Variants in ALG11 observed in about 807,000 individuals in gnomAD.
ALG11 encodes ALG11 alpha-1,2-mannosyltransferase, also known as GDP-Man:Man(3)GlcNAc(2)-PP-Dol alpha-1,2-mannosyltransferase.
Under a neutral mutation model 38.8 loss-of-function variants are expected in ALG11, and 26 were observed. The ratio of observed to expected loss-of-function variants is 0.67; its 90% CI spans 0.49 to 0.93. ALG11 has a LOEUF of 0.93. Among genes scored for constraint, ALG11 ranks in the 40% least tolerant of loss-of-function variants. The probability of loss-of-function intolerance (pLI) is 0.00; values close to 1 mark genes in which losing one functional copy is unlikely to be tolerated. For synonymous variants in ALG11, 199 were observed against 211.6 expected, an observed-to-expected ratio of 0.94 and a Z score of 0.52; for missense variants, 535 against 578.8, an observed-to-expected ratio of 0.92 and a Z score of 0.78.
chr13:52,021,472 G>A (rs1234009070), intron 2 of ALG11: 2 of 152,124 alleles, frequency 1.3e-5, no homozygotes, highest in Admixed American at 1.3e-4. Flanking sequence ...GGAGCTTGGC[G>A]TGTTAAAAAA....
At chr13:52,023,938 G>A in intron 2 of ALG11, 68 bp from the exon 3 acceptor site, 1 of 1,428,740 alleles carries the variant, frequency 7.0e-7, no homozygotes, top group Admixed American at 1.7e-5. Flanking sequence ...GGGATTACAG[G>A]TGCGTGCCAC....
chr13:52,013,406 G>A (rs544718716), intron 1 of ALG11, among the ~76,000 whole-genome samples: 51 of 151,960 alleles, frequency 3.4e-4, no homozygotes, highest in African/African-American at 1.2e-3. Context: ...GAATGAGAAA[G>A]TCTGTTATCA....
chr13:52,029,898 T>C lies in ALG11; in HGVS notation c.*1308T>C. ...CCTCATGTAGCGAATGAAGTGCAGA[T>C]GAATGTGGACGGACCGAATCCCTGG... On this transcript the variant is annotated 3_prime_UTR_variant, in exon 4 of 4. Coordinates refer to ENST00000521508, the MANE Select transcript of ALG11 (RefSeq NM_001004127.3). The C allele has an allele frequency of 6.2e-7, 1 of 1,614,166 alleles. No individual in the cohort carries two copies.
At chr13:52,023,303 G>C (rs1306399062) in intron 2 of ALG11, 4 of 152,144 alleles carry the variant, frequency 2.6e-5, no homozygotes, top group African/African-American at 9.7e-5. Flanking sequence ...TGTTCTGTGT[G>C]AAACCCTCAG....
rs1593909111 is a variant in ALG11 at position 52,032,159 on chromosome 13, T to C, written c.*3569T>C. Reference sequence around the variant, plus strand: ...ATTGCTTGAAACTGGAAGGCAGAGGTTGCAGTGAGCCAAGATTGTGCCACT... The same window carrying C: ...ATTGCTTGAAACTGGAAGGCAGAGGCTGCAGTGAGCCAAGATTGTGCCACT... On this transcript the variant is annotated 3_prime_UTR_variant, in exon 4 of 4. Transcript: ENST00000521508. 2.0e-5 allele frequency: 3 copies of C among 153,298 alleles called. No homozygotes were observed. The highest frequency in any genetic ancestry group is 6.5e-5 in the Admixed American group (1 of 15,280). 9.5% of individuals were successfully genotyped at this position (153,298 alleles called of 1,614,324 possible).
In ALG11 at chr13:52,030,094, AAG is replaced by A. The variant is rs1318765586; in HGVS notation, c.*1506_*1507del. 6.2e-7 allele frequency: 1 copy of A among 1,614,126 alleles called. No individual in the cohort carries two copies. The highest frequency in any genetic ancestry group is 8.5e-7 in the Non-Finnish European group (1 of 1,180,056). On this transcript the variant is annotated 3_prime_UTR_variant, in exon 4 of 4. Transcript: ENST00000521508. Reference sequence around the variant, plus strand: ...TTGAGGAAAGGCAATCCCTTAGAAAAAGATCTGAGCTCAACCAGGATGCTGAG... The same window carrying A: ...TTGAGGAAAGGCAATCCCTTAGAAAAATCTGAGCTCAACCAGGATGCTGAG...
Position 52,030,604 on chromosome 13 carries a change from G to A in ALG11, c.*2014G>A, listed in dbSNP as rs185309124. Reference sequence around the variant, plus strand: ...AGATGATAAAGGAAGCTTTTGCTGGGGATGATGTCATCAGAGATTTCTTGA... The same window carrying A: ...AGATGATAAAGGAAGCTTTTGCTGGAGATGATGTCATCAGAGATTTCTTGA... On this transcript the variant is annotated 3_prime_UTR_variant, in exon 4 of 4. Coordinates refer to ENST00000521508, the MANE Select transcript of ALG11 (RefSeq NM_001004127.3). The A allele has an allele frequency of 6.2e-7, 1 of 1,614,066 alleles. No individual in the cohort carries two copies. The highest frequency in any genetic ancestry group is 1.7e-5 in the Admixed American group (1 of 59,998).
At chr13:52,014,210 CA>C (rs1200296552) in intron 1 of ALG11, among the ~76,000 whole-genome samples, 2 of 152,096 alleles carry the variant, frequency 1.3e-5, no homozygotes, top group African/African-American at 4.8e-5. Flanking sequence ...AATGCAGAAA[CA>C]GAAAGGAGGA....
chr13:52,031,019 C>T lies in ALG11; in HGVS notation c.*2429C>T, dbSNP rs199516732. On this transcript the variant is annotated 3_prime_UTR_variant, in exon 4 of 4. Coordinates refer to ENST00000521508, the MANE Select transcript of ALG11 (RefSeq NM_001004127.3). ...CATAAAAGCAGAGGATGTGGGCTACCAGTCTTCCTCAAGGTCAGACCTGCC... is the reference window on the plus strand; with the variant it reads ...CATAAAAGCAGAGGATGTGGGCTACTAGTCTTCCTCAAGGTCAGACCTGCC... 2 of 1,614,178 alleles carry T rather than the reference C, an allele frequency of 1.2e-6. No individual in the cohort carries two copies. Among genetic ancestry groups the T allele is most frequent in the Admixed American group, 3.3e-5 (2 of 60,026 alleles).
Position 52,029,748 on chromosome 13 carries a change from A to C in ALG11, c.*1158A>C, listed in dbSNP as rs1745044350. 6.2e-7 allele frequency: 1 copy of C among 1,614,086 alleles called. No individual in the cohort carries two copies. The highest frequency in any genetic ancestry group is 1.3e-5 in the African/African-American group (1 of 74,920). On this transcript the variant is annotated 3_prime_UTR_variant, in exon 4 of 4. Coordinates refer to ENST00000521508, the MANE Select transcript of ALG11 (RefSeq NM_001004127.3). ...TCAAAGGCAATTATGGCCAAATATG[A>C]CCTGGAGGCTCGCCAAGCTATGCAG...
intron 2 of ALG11, chr13:52,021,061 A>G (rs1019160758): frequency 2.0e-5 from 3 of 152,246 alleles, no homozygotes; most frequent in Middle Eastern, 6.3e-3. Context: ...TGAGAGAGAC[A>G]AGATAATAAG....
At position 52,030,212 on chromosome 13, in the gene ALG11, C is replaced by A. The variant is rs1463288811; in HGVS notation, c.*1622C>A. 2 of 1,614,202 alleles carry A rather than the reference C, an allele frequency of 1.2e-6. No homozygotes were observed. Among genetic ancestry groups the A allele is most frequent in the African/African-American group, 1.3e-5 (1 of 75,044 alleles). ...ATCTCAGAAATTGAAGGAAAAACAT[C>A]AGTCCAGGAAGCAAAAAGCAAGTTC... On this transcript the variant is annotated 3_prime_UTR_variant, in exon 4 of 4. Transcript: ENST00000521508.
chr13:52,019,276 C>T, intron 2 of ALG11, 133 bp downstream of exon 2: 1 of 792,934 alleles, frequency 1.3e-6, no homozygotes, highest in East Asian at 2.9e-5. Flanking sequence ...GGCTGGAGTG[C>T]AGTGGCACGA....
chr13:52,022,303 G>A (rs1954190171), intron 2 of ALG11: 1 of 152,272 alleles, frequency 6.6e-6, no homozygotes, highest in African/African-American at 2.4e-5. Context: ...GAGAGGTGGA[G>A]GCTACAATAA....
At chr13:52,015,384 G>A (rs1157350153) in intron 1 of ALG11, among the ~76,000 whole-genome samples, 1 of 152,104 alleles carries the variant, frequency 6.6e-6, no homozygotes, top group Non-Finnish European at 1.5e-5. Context: ...CTTCAGCCTG[G>A]GTGACAGAGT....
Position 52,030,460 on chromosome 13 carries a change from G to T in ALG11, c.*1870G>T, listed in dbSNP as rs1362246825. The T allele has an allele frequency of 1.2e-5, 19 of 1,614,128 alleles. No homozygotes were observed. Among genetic ancestry groups the T allele is most frequent in the Non-Finnish European group, 1.6e-5 (19 of 1,180,048 alleles). ...CTGATGCCCCTAAGGAGAAGAAAGAGAAGGAGCAACTGATCAACCTACAGA... is the reference window on the plus strand; with the variant it reads ...CTGATGCCCCTAAGGAGAAGAAAGATAAGGAGCAACTGATCAACCTACAGA... On this transcript the variant is annotated 3_prime_UTR_variant, in exon 4 of 4. Transcript: ENST00000521508.
At chr13:52,016,755 G>T (rs1189345893) in intron 1 of ALG11, 3 of 152,310 alleles carry the variant, frequency 2.0e-5, no homozygotes, top group Non-Finnish European at 4.4e-5. Flanking sequence ...TTTGCCACCG[G>T]GGCAGGGCCC....
At position 52,029,325 on chromosome 13, in the gene ALG11, T is replaced by G. The variant is rs776693469; in HGVS notation, c.*735T>G. The G allele has an allele frequency of 5.6e-6, 9 of 1,614,110 alleles. No homozygotes were observed. In the South Asian group the frequency reaches 9.9e-5, roughly 18 times the overall value. Reference sequence around the variant, plus strand: ...GCCATTGCTCCCATTGAACATGCGCTCAGTGGCTGGAAGGCAAGAACTCCC... The same window carrying G: ...GCCATTGCTCCCATTGAACATGCGCGCAGTGGCTGGAAGGCAAGAACTCCC... On this transcript the variant is annotated 3_prime_UTR_variant, in exon 4 of 4. Coordinates refer to ENST00000521508, the MANE Select transcript of ALG11 (RefSeq NM_001004127.3).
intron 1 of ALG11, 140 bp from the exon 2 acceptor site, chr13:52,018,773 G>C: frequency 1.4e-6 from 1 of 732,972 alleles, no homozygotes; most frequent in South Asian, 1.7e-5. Flanking sequence ...TCATACTTGA[G>C]TATTTTGTTA....
Sources: allele counts gnomAD v4.1 joint callset (sites outside exome capture counted in the v4.1 genomes callset), GRCh38; gene constraint gnomAD v4.1.1; transcripts MANE v1.5; gene names NCBI Gene and HGNC (gene_info 2026-07-23, HGNC 2026-07-21).